MAGI1: variants seen among roughly 807,000 people sequenced by gnomAD.
The protein encoded by MAGI1 is membrane associated guanylate kinase, WW and PDZ domain containing 1.
In MAGI1, 58 loss-of-function variants were observed where a neutral mutation model predicts 139.9. That is an observed-to-expected ratio of 0.41 (90% CI 0.34 to 0.52). The LOEUF (loss-of-function observed/expected upper bound fraction) is 0.52. Among genes scored for constraint, MAGI1 ranks in the 20% least tolerant of loss-of-function variants. The pLI, the probability that MAGI1 is intolerant of heterozygous loss-of-function variation, is 0.12. For missense variants in MAGI1, 1,874 were observed against 1,901.6 expected, an observed-to-expected ratio of 0.99 and a Z score of 0.27; for synonymous variants, 812 against 737.9, an observed-to-expected ratio of 1.10 and a Z score of -1.63.
chr3:65,560,858 A>C (rs570162122), intron 2 of MAGI1, among the ~76,000 whole-genome samples: 65 of 152,364 alleles, frequency 4.3e-4, no homozygotes, highest in African/African-American at 1.4e-3. Flanking sequence ...CCAGATGGGA[A>C]CTACTACATT....
At chr3:65,654,165 G>A (rs1290813527) in intron 1 of MAGI1, among the ~76,000 whole-genome samples, 2 of 152,076 alleles carry the variant, frequency 1.3e-5, no homozygotes, top group African/African-American at 4.8e-5. Flanking sequence ...CATGGCAAAG[G>A]TAACATTAAA....
chr3:65,401,716 G>C, intron 12 of MAGI1: 1 of 1,502,090 alleles, frequency 6.7e-7, no homozygotes, highest in South Asian at 1.3e-5. Flanking sequence ...CAGCAGCCTG[G>C]AGGCTGGGAA....
chr3:65,941,505 T>C (rs184525179), intron 1 of MAGI1, among the ~76,000 whole-genome samples: 211 of 152,272 alleles, frequency 1.4e-3, no homozygotes, highest in Non-Finnish European at 2.0e-3. Context: ...GTTGAAGCAG[T>C]ATCCCTGGCC....
At chr3:65,678,861 AT>A (rs1375774637) in intron 1 of MAGI1, among the ~76,000 whole-genome samples, 7 of 152,214 alleles carry the variant, frequency 4.6e-5, no homozygotes, top group African/African-American at 1.4e-4. Flanking sequence ...TATTCTGTGA[AT>A]TTTGAAAATC....
intron 1 of MAGI1, among the ~76,000 whole-genome samples, chr3:65,778,191 G>T (rs1025362303): frequency 1.2e-4 from 18 of 152,088 alleles, no homozygotes; most frequent in African/African-American, 4.1e-4. Context: ...GCACTTTGGG[G>T]GGCCAAGGCT....
At chr3:65,613,689 G>A (rs781246912) in intron 2 of MAGI1, among the ~76,000 whole-genome samples, 1 of 152,080 alleles carries the variant, frequency 6.6e-6, no homozygotes, top group Non-Finnish European at 1.5e-5. Context: ...GCTGATGCTG[G>A]GAAAAGGCAA....
chr3:65,896,734 T>G (rs1038643374), intron 1 of MAGI1, among the ~76,000 whole-genome samples: 8 of 152,198 alleles, frequency 5.3e-5, no homozygotes, highest in Non-Finnish European at 1.0e-4. Context: ...ATGGACAGTA[T>G]ACATCCATAC....
intron 1 of MAGI1, among the ~76,000 whole-genome samples, chr3:65,846,984 A>AAAAAAAC: frequency 8.0e-6 from 1 of 125,492 alleles, no homozygotes; most frequent in South Asian, 3.0e-4. Flanking sequence ...TACAAAAAAA[A>AAAAAAAC]AAAAAAAAAA....
chr3:65,888,656 G>A (rs534780272), intron 1 of MAGI1, among the ~76,000 whole-genome samples: 1 of 151,662 alleles, frequency 6.6e-6, no homozygotes, highest in Non-Finnish European at 1.5e-5. Flanking sequence ...ACACATTTAA[G>A]AATCTTTAAG....
chr3:65,368,968 C>A (rs1466610161), intron 18 of MAGI1, among the ~76,000 whole-genome samples: 1 of 152,222 alleles, frequency 6.6e-6, no homozygotes, highest in Non-Finnish European at 1.5e-5. Context: ...CTCTCTCCCA[C>A]TCCATGGGGC....
chr3:65,766,082 G>A (rs558230956), intron 1 of MAGI1, among the ~76,000 whole-genome samples: 2 of 152,072 alleles, frequency 1.3e-5, no homozygotes, highest in South Asian at 4.2e-4. Context: ...AACAGCTATG[G>A]ATATTTACAT....
chr3:65,390,128 C>T (rs939195930), intron 14 of MAGI1, among the ~76,000 whole-genome samples: 1 of 152,162 alleles, frequency 6.6e-6, no homozygotes, highest in African/African-American at 2.4e-5. Flanking sequence ...GGGACCCACA[C>T]CTCACACAAC....
chr3:65,940,490 G>A (rs151085658), intron 1 of MAGI1, among the ~76,000 whole-genome samples: 14 of 152,168 alleles, frequency 9.2e-5, no homozygotes, highest in African/African-American at 3.4e-4. Flanking sequence ...AAGCTCTCTG[G>A]GGTCTGTTTT....
chr3:65,498,425 AC>A (rs1392936448), intron 2 of MAGI1, among the ~76,000 whole-genome samples: 1 of 151,772 alleles, frequency 6.6e-6, no homozygotes, highest in Admixed American at 6.6e-5. Flanking sequence ...ACAGCGTCCA[AC>A]CCCCCAAAAA....
In MAGI1 at chr3:65,797,517, G is replaced by A. The variant is rs114274746; in HGVS notation, c.314-175429C>T. On this transcript the variant is annotated intron_variant, in intron 1 of 22. Coordinates refer to ENST00000402939, the MANE Select transcript of MAGI1 (RefSeq NM_001033057.2). ...CCATGCAGACGGCTTGAGCCCCAGAGTTCGAGACCAGCCTGGGCAACATGG... is the reference window on the plus strand; with the variant it reads ...CCATGCAGACGGCTTGAGCCCCAGAATTCGAGACCAGCCTGGGCAACATGG... 4.0e-3 allele frequency among the ~76,000 whole-genome samples: 616 copies of A among 152,266 alleles called. 3 individuals are homozygous for A. The highest frequency in any genetic ancestry group is 0.013 in the African/African-American group (557 of 41,558).
chr3:65,358,661 G>A (rs1320588889), intron 22 of MAGI1, among the ~76,000 whole-genome samples: 1 of 152,140 alleles, frequency 6.6e-6, no homozygotes, highest in African/African-American at 2.4e-5. Context: ...ACAGGCTATG[G>A]ACAGGATTGG....
intron 1 of MAGI1, among the ~76,000 whole-genome samples, chr3:66,016,496 C>T (rs1172620867): frequency 6.6e-6 from 1 of 152,174 alleles, no homozygotes; most frequent in African/African-American, 2.4e-5. Context: ...CTGACCAATA[C>T]ACACACCCTT....
chr3:65,460,119 T>C (rs1055926916), intron 5 of MAGI1, among the ~76,000 whole-genome samples: 122 of 152,330 alleles, frequency 8.0e-4, no homozygotes, highest in African/African-American at 2.7e-3. Context: ...CTGCTGAATT[T>C]TGTCAAATGC....
rs757052038 is a variant in MAGI1 at position 65,379,534 on chromosome 3, C to T, written c.2722G>A (p.Val908Met). Residue 908 changes from valine to methionine, a missense_variant, in exon 17 of 23, where the codon GTG becomes ATG. Physicochemically the swap from Val to Met is conservative, Grantham distance 21. This residue lies in a region of MAGI1 where 482 missense variants were observed against 509.6 expected (regional missense o/e 0.95). Transcript: ENST00000402939. The part of the protein sequence containing the change: ...VFAVPKTENE[V>M]PSPASSHHSS... ...TGATGAGAGGAGGCTGGCGAGGGCA[C>T]CTCGTTCTCGGTTTTGGGCACTGTA... is the stretch of plus-strand genomic sequence containing the variant. 2 of 1,610,140 alleles carry T rather than the reference C, an allele frequency of 1.2e-6. No homozygotes were observed. The highest frequency in any genetic ancestry group is 1.7e-5 in the Admixed American group (1 of 59,914).
Sources: gnomAD v4.1 joint callset for allele counts (sites outside exome capture counted in the v4.1 genomes callset) on GRCh38, gnomAD v4.1.1 for gene constraint, gnomAD v4.1.1 regional missense constraint, MANE v1.5 for transcripts, NCBI Gene and HGNC (gene_info 2026-07-23, HGNC 2026-07-21) for gene names.